Variants in HTR7 observed in about 807,000 individuals in gnomAD.
The protein encoded by HTR7 is 5-hydroxytryptamine receptor 7.
In HTR7, 16 loss-of-function variants were observed where a neutral mutation model predicts 34.0. That is an observed-to-expected ratio of 0.47 (90% confidence interval 0.32 to 0.71). The LOEUF is 0.71. HTR7 is among the 30% of genes least tolerant of loss of function. HTR7 has a pLI of 0.04. For synonymous variants in HTR7, 265 were observed against 260.2 expected (o/e 1.02, Z -0.18); for missense variants, 504 against 625.5 (o/e 0.81, Z 2.07).
intron 1 of HTR7, among the ~76,000 whole-genome samples, chr10:90,809,149 C>T (rs888010067): frequency 2.6e-5 from 4 of 152,176 alleles, no homozygotes; most frequent in African/African-American, 9.7e-5. Flanking sequence ...TCCTCAGCCC[C>T]CTCTTCTCCA....
chr10:90,791,534 A>C (rs561687919), intron 1 of HTR7, among the ~76,000 whole-genome samples: 1 of 152,208 alleles, frequency 6.6e-6, no homozygotes, highest in East Asian at 1.9e-4. Context: ...CCCCAGGTGT[A>C]TGTAAGCATT....
At chr10:90,817,779 A>C (rs2119995675) in intron 1 of HTR7, among the ~76,000 whole-genome samples, 1 of 152,334 alleles carries the variant, frequency 6.6e-6, no homozygotes, top group Middle Eastern at 3.4e-3. Context: ...AAATGTTCAT[A>C]ATATAACTAG....
chr10:90,827,870 A>G (rs1846103872), intron 1 of HTR7, among the ~76,000 whole-genome samples: 1 of 152,214 alleles, frequency 6.6e-6, no homozygotes, highest in Non-Finnish European at 1.5e-5. Context: ...GACCAAATTG[A>G]CCTAACAGAT....
intron 1 of HTR7, among the ~76,000 whole-genome samples, chr10:90,797,268 C>T (rs1229119694): frequency 1.3e-5 from 2 of 152,096 alleles, no homozygotes; most frequent in African/African-American, 2.4e-5. Flanking sequence ...ACCAGTTCAA[C>T]CCACACATTT....
intron 2 of HTR7, among the ~76,000 whole-genome samples, chr10:90,746,260 AT>A (rs1844632301): frequency 6.6e-6 from 1 of 152,210 alleles, no homozygotes; most frequent in African/African-American, 2.4e-5. Context: ...AACGCATGTT[AT>A]TATTTTAAAC....
intron 1 of HTR7, among the ~76,000 whole-genome samples, chr10:90,810,145 C>T (rs1006508179): frequency 4.1e-4 from 63 of 152,158 alleles, no homozygotes; most frequent in Admixed American, 7.9e-4. Flanking sequence ...CTTTTAAGCA[C>T]TCCTTTTTAG....
chr10:90,756,064 C>T (rs1272780097), intron 1 of HTR7, among the ~76,000 whole-genome samples: 1 of 152,176 alleles, frequency 6.6e-6, no homozygotes, highest in Non-Finnish European at 1.5e-5. Context: ...TACTGCTTGT[C>T]AACATGGATG....
At chr10:90,812,113 G>A (rs1162616772) in intron 1 of HTR7, among the ~76,000 whole-genome samples, 1 of 151,806 alleles carries the variant, frequency 6.6e-6, no homozygotes, top group Non-Finnish European at 1.5e-5. Flanking sequence ...CTTCTCAGAA[G>A]TCAGACCTGT....
chr10:90,795,159 T>C (rs759031619), intron 1 of HTR7, among the ~76,000 whole-genome samples: 12 of 152,222 alleles, frequency 7.9e-5, no homozygotes, highest in Non-Finnish European at 1.5e-4. Context: ...TTTACCTTCC[T>C]TTGGGTATAT....
At chr10:90,812,748 G>A (rs1252702241) in intron 1 of HTR7, among the ~76,000 whole-genome samples, 5 of 151,206 alleles carry the variant, frequency 3.3e-5, no homozygotes, top group African/African-American at 1.2e-4. Context: ...AAAAATTTTC[G>A]CCACCCCAAC....
chr10:90,852,524 A>G (rs905518719), intron 1 of HTR7, among the ~76,000 whole-genome samples: 1 of 152,262 alleles, frequency 6.6e-6, no homozygotes, highest in African/African-American at 2.4e-5. Flanking sequence ...AAACATATCC[A>G]CAAATGACTT....
chr10:90,851,043 G>T (rs1239627864), intron 1 of HTR7, among the ~76,000 whole-genome samples: 1 of 151,868 alleles, frequency 6.6e-6, no homozygotes, highest in African/African-American at 2.4e-5. Context: ...AGGGTTAACA[G>T]TAAATAAACG....
intron 1 of HTR7, among the ~76,000 whole-genome samples, chr10:90,769,910 C>A (rs532404613): frequency 2.6e-5 from 4 of 152,370 alleles, no homozygotes; most frequent in African/African-American, 9.6e-5. Context: ...CAGCAGCAGG[C>A]AGTCCAGAGC....
intron 1 of HTR7, among the ~76,000 whole-genome samples, chr10:90,773,565 CT>C (rs202040628): frequency 7.6e-4 from 115 of 151,392 alleles, no homozygotes; most frequent in East Asian, 1.4e-3. Flanking sequence ...CTTATTCATT[CT>C]TTTTTTTTGT....
chr10:90,790,300 T>G (rs764142321), intron 1 of HTR7, among the ~76,000 whole-genome samples: 1 of 152,190 alleles, frequency 6.6e-6, no homozygotes, highest in Non-Finnish European at 1.5e-5. Context: ...CTGGTTAACT[T>G]TGCTTTTTTC....
At chr10:90,800,033 C>T (rs1845600441) in intron 1 of HTR7, among the ~76,000 whole-genome samples, 1 of 152,072 alleles carries the variant, frequency 6.6e-6, no homozygotes, top group South Asian at 2.1e-4. Context: ...GATATCTCAT[C>T]AAAGAAATTA....
chr10:90,821,087 T>C lies in HTR7; in HGVS notation c.539+36046A>G, dbSNP rs575014127. ...ACCAATCATCCTCCCTGAAGAAATA[T>C]CAAGTTTAACAGCTATCTACACACT... On this transcript the variant is annotated intron_variant, in intron 1 of 3. Coordinates refer to ENST00000336152, the MANE Select transcript of HTR7 (RefSeq NM_019859.4). Among the ~76,000 whole-genome samples the C allele has an allele frequency of 3.3e-5, 5 of 151,482 alleles. No individual in the cohort carries two copies. In the South Asian group the frequency reaches 1.0e-3, roughly 32 times the overall value.
intron 1 of HTR7, among the ~76,000 whole-genome samples, chr10:90,767,048 T>C (rs948187525): frequency 1.3e-5 from 2 of 152,092 alleles, no homozygotes; most frequent in African/African-American, 4.8e-5. Flanking sequence ...GCGGGGCTAC[T>C]AGCTGGACTC....
chr10:90,783,356 C>T (rs1377582265), intron 1 of HTR7, among the ~76,000 whole-genome samples: 2 of 152,174 alleles, frequency 1.3e-5, no homozygotes, highest in Non-Finnish European at 2.9e-5. Context: ...TTGGTGGCAG[C>T]TTCAGTCTTA....
Sources: allele counts gnomAD v4.1 joint callset (sites outside exome capture counted in the v4.1 genomes callset), GRCh38; gene constraint gnomAD v4.1.1; transcripts MANE v1.5; gene names NCBI Gene and HGNC (gene_info 2026-07-23, HGNC 2026-07-21).